RIN2: variants seen among roughly 807,000 people sequenced by gnomAD.
RIN2 encodes the protein Ras and Rab interactor 2, also known as RAB5 interacting protein 2.
RIN2 carries 36 observed loss-of-function variants against 78.0 expected under a neutral mutation model. The observed-to-expected ratio is 0.46, with a 90% CI of 0.35 to 0.61. RIN2 has a LOEUF of 0.61. RIN2 is among the 20% of genes least tolerant of loss of function. The probability of loss-of-function intolerance (pLI) is 0.00; values close to 1 mark genes in which losing one functional copy is unlikely to be tolerated. For missense variants in RIN2, 1,087 were observed against 1,159.7 expected, an observed-to-expected ratio of 0.94 and a Z score of 0.91; for synonymous variants, 466 against 466.8, an observed-to-expected ratio of 1.00 and a Z score of 0.02.
At chr20:19,848,534 C>CAAAAAAAAAAAAAAAAAAAAA (rs11352724) in intron 2 of RIN2, among the ~76,000 whole-genome samples, 2 of 52,838 alleles carry the variant, frequency 3.8e-5, no homozygotes, top group African/African-American at 1.1e-4. Context: ...GACTCCATCT[C>CAAAAAAAAAAAAAAAAAAAAA]AAAAAAAAAA....
chr20:19,893,674 G>A (rs555183537), intron 3 of RIN2, among the ~76,000 whole-genome samples: 14 of 152,114 alleles, frequency 9.2e-5, no homozygotes, highest in Non-Finnish European at 1.8e-4. Context: ...CAGAAGCTCC[G>A]ACCACATCCA....
intron 2 of RIN2, among the ~76,000 whole-genome samples, chr20:19,871,661 A>G (rs2037693366): frequency 6.6e-6 from 1 of 152,186 alleles, no homozygotes; most frequent in Non-Finnish European, 1.5e-5. Flanking sequence ...AAAATACTCA[A>G]CAAAGATAGA....
intron 3 of RIN2, among the ~76,000 whole-genome samples, chr20:19,902,015 CAAAAAAAA>C (rs55949901): frequency 0.069 from 6,989 of 100,796 alleles, 604 homozygotes; most frequent in African/African-American, 0.25. Flanking sequence ...GACTCTGTCT[CAAAAAAAA>C]AAAAAAAAAA....
In RIN2 at chr20:19,780,250, G is replaced by A. The variant is rs538984500; in HGVS notation, c.-162-19372G>A. On this transcript the variant is annotated intron_variant, in intron 1 of 12. Coordinates refer to ENST00000255006, the MANE Select transcript of RIN2 (RefSeq NM_018993.4). ...TGCCTAGAATTCAGTTAAAAGGAAA[G>A]CATTAAAATAGCAAGGGAATAATCA... 7.2e-5 allele frequency among the ~76,000 whole-genome samples: 11 copies of A among 152,320 alleles called. No homozygotes were observed. The East Asian group carries it at 1.4e-3, about 19-fold the overall frequency.
intron 9 of RIN2, among the ~76,000 whole-genome samples, chr20:19,981,224 C>G (rs1398414721): frequency 1.3e-5 from 2 of 152,170 alleles, no homozygotes; most frequent in Non-Finnish European, 2.9e-5. Flanking sequence ...CTTCTGGTGG[C>G]AGGGAATTAC....
rs762216074 is a variant in RIN2 at position 19,975,039 on chromosome 20, C to T, written c.1014C>T (p.Val338=). The T allele has an allele frequency of 5.0e-6, 8 of 1,613,082 alleles. No individual in the cohort carries two copies. In the South Asian group the frequency reaches 7.7e-5, roughly 15 times the overall value. Residue 338 remains valine, a synonymous_variant, in exon 9 of 13, where the codon GTC becomes GTT. Transcript: ENST00000255006. The surrounding 1 kb of genome is among the most constrained non-coding windows in gnomAD (Gnocchi z 4.9). ...CCCAGACGAGCATGCCAGAAACAGT[C>T]AACCATAACAAACATGGGAACGTAG... ...TETQTSMPET[V]NHNKHGNVAL... is the part of the protein sequence containing the mutation.
intron 3 of RIN2, among the ~76,000 whole-genome samples, chr20:19,902,694 A>G (rs1454929175): frequency 1.3e-5 from 2 of 152,220 alleles, no homozygotes; most frequent in African/African-American, 4.8e-5. Flanking sequence ...AGCAAATAAA[A>G]TATACAGGAC....
At chr20:19,864,270 C>T (rs778670219) in intron 2 of RIN2, among the ~76,000 whole-genome samples, 1 of 152,130 alleles carries the variant, frequency 6.6e-6, no homozygotes, top group Non-Finnish European at 1.5e-5. Context: ...GAGGAGTTAA[C>T]AGCTGAACTT....
At chr20:19,764,496 C>G (rs1372990229) in intron 1 of RIN2, among the ~76,000 whole-genome samples, 1 of 152,208 alleles carries the variant, frequency 6.6e-6, no homozygotes, top group African/African-American at 2.4e-5. Flanking sequence ...GGACGTGGAA[C>G]CTAAACGCTC....
At chr20:19,865,163 A>G (rs1415881373) in intron 2 of RIN2, among the ~76,000 whole-genome samples, 1 of 152,244 alleles carries the variant, frequency 6.6e-6, no homozygotes, top group African/African-American at 2.4e-5. Flanking sequence ...TCTTCAAATT[A>G]CTAACAGAAT....
chr20:19,911,741 G>T (rs1003445493), intron 3 of RIN2, among the ~76,000 whole-genome samples: 29 of 151,278 alleles, frequency 1.9e-4, no homozygotes, highest in African/African-American at 7.0e-4. Flanking sequence ...TTCATTCCGT[G>T]AATTTTTGCT....
chr20:19,995,785 T>A (rs2042942514), intron 11 of RIN2, among the ~76,000 whole-genome samples: 1 of 152,220 alleles, frequency 6.6e-6, no homozygotes, highest in African/African-American at 2.4e-5. Flanking sequence ...ACTTAAGATT[T>A]AGAAAATACT....
Position 19,901,886 on chromosome 20 carries a change from G to A in RIN2, c.57+12228G>A, listed in dbSNP as rs146551056. 1.7e-3 allele frequency among the ~76,000 whole-genome samples: 262 copies of A among 151,982 alleles called. 1 individual carries two copies. Among genetic ancestry groups the A allele is most frequent in the East Asian group, 7.8e-3 (40 of 5,148 alleles). On this transcript the variant is annotated intron_variant, in intron 3 of 12. Transcript: ENST00000255006. ...ACAAAAATTAGCCGGGTGTGGTGCA[G>A]GCGCCTGTAATCTCAGCTACTCAGG...
chr20:19,844,635 T>TC (rs1453490075), intron 2 of RIN2, among the ~76,000 whole-genome samples: 1 of 128,788 alleles, frequency 7.8e-6, no homozygotes, highest in African/African-American at 3.6e-5. Context: ...TTCTTCTTCT[T>TC]CTTCTTCTTC....
intron 2 of RIN2, among the ~76,000 whole-genome samples, chr20:19,879,193 A>G (rs1164141099): frequency 6.6e-6 from 1 of 152,230 alleles, no homozygotes; most frequent in Non-Finnish European, 1.5e-5. Context: ...ACATGCCTGA[A>G]CTTCTGAGGC....
chr20:19,816,606 G>A lies in RIN2; in HGVS notation c.-37+16859G>A, dbSNP rs139904278. On this transcript the variant is annotated intron_variant, in intron 2 of 12. Transcript: ENST00000255006. ...ACGTGTCTGTTAGCATGGAGAGCTT[G>A]AGGTGGAAATGCAAACAGAAAACAG... Among the ~76,000 whole-genome samples the A allele has an allele frequency of 2.1e-3, 321 of 152,320 alleles. 1 individual carries two copies. Among genetic ancestry groups the A allele is most frequent in the Middle Eastern group, 3.4e-3 (1 of 294 alleles).
At chr20:19,998,523 A>T (rs932403458) in intron 12 of RIN2, among the ~76,000 whole-genome samples, 1 of 152,062 alleles carries the variant, frequency 6.6e-6, no homozygotes, top group African/African-American at 2.4e-5. Flanking sequence ...AAGTGGGAGG[A>T]TCCGTTGAGC....
At chr20:19,996,197 C>T (rs973265329) in intron 11 of RIN2, among the ~76,000 whole-genome samples, 1 of 152,080 alleles carries the variant, frequency 6.6e-6, no homozygotes, top group Non-Finnish European at 1.5e-5. Context: ...GCCTTTAATC[C>T]GAGCCACTCG....
At chr20:19,877,530 C>A (rs1386181642) in intron 2 of RIN2, among the ~76,000 whole-genome samples, 3 of 152,126 alleles carry the variant, frequency 2.0e-5, no homozygotes, top group Non-Finnish European at 4.4e-5. Flanking sequence ...AGCACAAGAG[C>A]CAGGATGCTT....
Sources: allele counts gnomAD v4.1 joint callset (sites outside exome capture counted in the v4.1 genomes callset), GRCh38; gene constraint gnomAD v4.1.1; non-coding constraint Gnocchi (gnomAD v3.1); transcripts MANE v1.5; gene names NCBI Gene and HGNC (gene_info 2026-07-23, HGNC 2026-07-21).